Variants in PDE5A observed in about 807,000 individuals in gnomAD.
PDE5A encodes the protein cGMP-specific 3',5'-cyclic phosphodiesterase.
PDE5A carries 67 observed loss-of-function variants against 110.2 expected under a neutral mutation model. The ratio of observed to expected loss-of-function variants is 0.61; its 90% CI spans 0.50 to 0.75. The LOEUF is 0.75. Ranked by LOEUF, PDE5A falls within the 30% of genes least tolerant of loss-of-function variation. PDE5A has a pLI of 0.00. For missense variants in PDE5A, 862 were observed against 1,045.1 expected, an observed-to-expected ratio of 0.82 and a Z score of 2.42; for synonymous variants, 328 against 351.2, an observed-to-expected ratio of 0.93 and a Z score of 0.74.
intron 6 of PDE5A, 119 bp from the exon 7 acceptor site, chr4:119,560,482 C>A: frequency 2.0e-6 from 1 of 505,626 alleles, no homozygotes; most frequent in South Asian, 4.6e-5. Context: ...TATATTTTTA[C>A]TTATTCTTGG....
chr4:119,560,482 C>T (rs1473444044), intron 6 of PDE5A, 119 bp from the exon 7 acceptor site: 10 of 505,508 alleles, frequency 2.0e-5, no homozygotes, highest in African/African-American at 6.0e-5. Flanking sequence ...TATATTTTTA[C>T]TTATTCTTGG....
chr4:119,614,758 AC>A (rs1178636133), intron 1 of PDE5A, among the ~76,000 whole-genome samples: 4 of 152,180 alleles, frequency 2.6e-5, no homozygotes, highest in Non-Finnish European at 2.9e-5. Flanking sequence ...TTACTAATTG[AC>A]AAAAATTCTT....
chr4:119,533,695 T>A (rs958764043), intron 11 of PDE5A, among the ~76,000 whole-genome samples: 1 of 152,124 alleles, frequency 6.6e-6, no homozygotes, highest in Non-Finnish European at 1.5e-5. Flanking sequence ...TAAATCTCAA[T>A]AAGAAAGAGG....
chr4:119,552,604 T>G lies in PDE5A; in HGVS notation c.1342A>C (p.Ile448Leu), dbSNP rs763553024. The change falls in exon 9 of 21, where the codon ATT (isoleucine) becomes CTT (leucine). Residue 448 changes from isoleucine (I) to leucine (L), a missense_variant. Physicochemically the swap from Ile to Leu is conservative, Grantham distance 5. Coordinates refer to ENST00000354960, the MANE Select transcript of PDE5A (RefSeq NM_001083.4). ...ATAGGTGTACAAAGCAAACTTCTAATGCACTGCTGGTTTACATTTCCTGTA... is the reference window on the plus strand; with the variant it reads ...ATAGGTGTACAAAGCAAACTTCTAAGGCACTGCTGGTTTACATTTCCTGTA... The part of the protein sequence containing the change: ...ENTGNVNQQC[I>L]RSLLCTPIKN... 1 of 1,549,966 alleles carries G rather than the reference T, an allele frequency of 6.5e-7. No homozygotes were observed. Among genetic ancestry groups the G allele is most frequent in the Non-Finnish European group, 8.7e-7 (1 of 1,148,110 alleles).
intron 3 of PDE5A, among the ~76,000 whole-genome samples, chr4:119,583,576 T>A (rs762824674): frequency 2.6e-5 from 4 of 152,250 alleles, no homozygotes; most frequent in Non-Finnish European, 5.9e-5. Context: ...ATCTTGGCTT[T>A]CAACATGCCT....
At chr4:119,607,407 T>C (rs1729580557) in intron 1 of PDE5A, 110 bp from the exon 2 acceptor site, 1 of 691,642 alleles carries the variant, frequency 1.4e-6, no homozygotes, top group Non-Finnish European at 2.4e-6. Context: ...TAATTTGATA[T>C]GTTATAGAAA....
intron 2 of PDE5A, among the ~76,000 whole-genome samples, chr4:119,605,162 A>G (rs1729483477): frequency 6.6e-6 from 1 of 152,136 alleles, no homozygotes; most frequent in Admixed American, 6.6e-5. Flanking sequence ...CCTGGCATTC[A>G]AGACCTCTAA....
intron 14 of PDE5A, among the ~76,000 whole-genome samples, chr4:119,512,175 G>A (rs184258119): frequency 6.6e-6 from 1 of 152,166 alleles, no homozygotes; most frequent in African/African-American, 2.4e-5. Flanking sequence ...GGAAAAAATG[G>A]GTAAAGTGAG....
intron 12 of PDE5A, 25 bp from the exon 13 acceptor site, chr4:119,521,085 TAAC>T: frequency 2.5e-6 from 4 of 1,604,794 alleles, no homozygotes; most frequent in Non-Finnish European, 3.4e-6. Flanking sequence ...ACATAAGTAG[TAAC>T]AATAATTGCC....
Position 119,560,902 on chromosome 4 carries a change from T to C in PDE5A, c.1132-539A>G, listed in dbSNP as rs186183903. The stretch of plus-strand genomic sequence containing the variant: ...TGGGAGGCCAAGGTGGGTGGATCAC[T>C]TGAGGCCAGGAATTTGAGACCAGAC... On this transcript the variant is annotated intron_variant, in intron 6 of 20. Transcript: ENST00000354960. Among the ~76,000 whole-genome samples, 239 of 152,316 alleles carry C rather than the reference T, an allele frequency of 1.6e-3. 1 individual carries two copies. Among genetic ancestry groups the C allele is most frequent in the African/African-American group, 5.3e-3 (222 of 41,582 alleles).
intron 15 of PDE5A, among the ~76,000 whole-genome samples, chr4:119,508,227 G>C (rs1489865874): frequency 1.3e-5 from 2 of 151,966 alleles, no homozygotes; most frequent in East Asian, 3.9e-4. Context: ...ATGAGCCAAA[G>C]GGTGCTTACT....
Position 119,525,598 on chromosome 4 carries a change from C to T in PDE5A, c.1730G>A (p.Arg577Gln), listed in dbSNP as rs569083571. 37 of 1,612,962 alleles carry T rather than the reference C, an allele frequency of 2.3e-5. No homozygotes were observed. In the East Asian group the frequency reaches 5.1e-4, roughly 22 times the overall value. ...SDLETALCTIRMFTDLNLVQN... is the reference protein window; with the variant it reads ...SDLETALCTIQMFTDLNLVQN... ...CACAAGGTTGAGGTCAGTAAACATC[C>T]GAATTGTACACAGTGCTGTTTCCAG... Residue 577 changes from arginine (R) to glutamine (Q), a missense_variant, in exon 12 of 21, where the codon CGG (arginine) becomes CAG (glutamine). Arg to Gln is a conservative substitution (Grantham distance 43). Coordinates refer to ENST00000354960, the MANE Select transcript of PDE5A (RefSeq NM_001083.4). The surrounding 1 kb of genome is among the most constrained non-coding windows in gnomAD (Gnocchi z 4.3).
At chr4:119,613,626 G>A (rs558788864) in intron 1 of PDE5A, among the ~76,000 whole-genome samples, 4 of 152,172 alleles carry the variant, frequency 2.6e-5, no homozygotes, top group Non-Finnish European at 4.4e-5. Context: ...AGAAAGCAAC[G>A]GATGGAAATC....
intron 12 of PDE5A, 65 bp from the exon 13 acceptor site, chr4:119,521,125 C>T (rs1372074793): frequency 1.3e-6 from 2 of 1,492,110 alleles, no homozygotes; most frequent in Non-Finnish European, 1.8e-6. Context: ...TACTATGTTC[C>T]AGACACTACA....
intron 1 of PDE5A, among the ~76,000 whole-genome samples, chr4:119,615,615 C>A (rs79993618): frequency 3.1e-5 from 4 of 130,340 alleles, no homozygotes; most frequent in Non-Finnish European, 5.0e-5. Flanking sequence ...CTACTAAGTT[C>A]AAAAAAAAAA....
intron 3 of PDE5A, among the ~76,000 whole-genome samples, chr4:119,575,094 A>T (rs1728284485): frequency 6.6e-6 from 1 of 152,232 alleles, no homozygotes; most frequent in Non-Finnish European, 1.5e-5. Flanking sequence ...CAGTGATGGA[A>T]GATCAAATGA....
At chr4:119,530,906 T>C (rs552172382) in intron 11 of PDE5A, among the ~76,000 whole-genome samples, 1 of 152,280 alleles carries the variant, frequency 6.6e-6, no homozygotes, top group East Asian at 1.9e-4. Flanking sequence ...ATTTATTTTC[T>C]TTTGAAAAAT....
At chr4:119,610,054 C>T (rs926509028) in intron 1 of PDE5A, among the ~76,000 whole-genome samples, 2 of 152,190 alleles carry the variant, frequency 1.3e-5, no homozygotes, top group Admixed American at 1.3e-4. Context: ...TTGTACAAAT[C>T]ACAAGCATAT....
At chr4:119,533,488 G>A (rs1360681103) in intron 11 of PDE5A, among the ~76,000 whole-genome samples, 1 of 152,126 alleles carries the variant, frequency 6.6e-6, no homozygotes, top group Non-Finnish European at 1.5e-5. Context: ...TTTTCGAAGA[G>A]GGAAGTGAAT....
Sources: allele counts gnomAD v4.1 joint callset (sites outside exome capture counted in the v4.1 genomes callset), GRCh38; gene constraint gnomAD v4.1.1; non-coding constraint Gnocchi (gnomAD v3.1); transcripts MANE v1.5; gene names NCBI Gene and HGNC (gene_info 2026-07-23, HGNC 2026-07-21).